CYP27C1: variants seen among roughly 807,000 people sequenced by gnomAD.
The protein encoded by CYP27C1 is cytochrome P450 27C1.
Under a neutral mutation model 40.6 loss-of-function variants are expected in CYP27C1, and 29 were observed. The ratio of observed to expected loss-of-function variants is 0.71; its 90% confidence interval spans 0.53 to 0.97. The LOEUF (loss-of-function observed/expected upper bound fraction) is 0.97, where lower values mean the gene tolerates loss of function less well. Ranked by LOEUF, CYP27C1 falls within the 50% of genes least tolerant of loss-of-function variation. The pLI is 0.00. For synonymous variants in CYP27C1, 198 were observed against 186.8 expected, an observed-to-expected ratio of 1.06 and a Z score of -0.49; for missense variants, 390 against 485.8, an observed-to-expected ratio of 0.80 and a Z score of 1.85.
rs1683514055 is a variant in CYP27C1, at chr2:127,219,849, C to T, written c.282+140G>A. ...CAGCTCCCCCAACCCACCGCGGCGC[C>T]CAGTGCCCGGGGATCCCTGCCCGCC... On this transcript the variant is annotated intron_variant, in intron 1 of 8. Transcript: ENST00000664447. The surrounding 1 kb of genome is among the most constrained non-coding windows in gnomAD (Gnocchi z 8.7). The T allele has an allele frequency of 6.6e-6, 1 of 151,106 alleles. No individual in the cohort carries two copies. Among genetic ancestry groups the T allele is most frequent in the African/African-American group, 2.4e-5 (1 of 40,992 alleles). The allele number at this position is 151,106 out of a possible 1,614,324, so 9.4% of individuals were successfully genotyped here.
chr2:127,202,393 T>C (rs1683055754), intron 3 of CYP27C1, among the ~76,000 whole-genome samples: 1 of 152,238 alleles, frequency 6.6e-6, no homozygotes, highest in Admixed American at 6.5e-5. Flanking sequence ...CCCAAAGTGC[T>C]GGGATTACAG....
At chr2:127,194,554 C>T (rs1448644220) in intron 6 of CYP27C1, among the ~76,000 whole-genome samples, 4 of 152,138 alleles carry the variant, frequency 2.6e-5, no homozygotes, top group Non-Finnish European at 2.9e-5. Context: ...CACATCCCTC[C>T]GGCTTTTCTG....
rs1682839697 is a variant in CYP27C1, at chr2:127,193,820, A to C, written c.1262T>G (p.Leu421Arg). ...CGGAATCAGATACCCGCCAATAACC[A>C]GGTCTTCCTGGGTGACCCGGCCGTT... is the stretch of plus-strand genomic sequence containing the variant. ...PGNGRVTQED[L>R]VIGGYLIPKG... Residue 421 changes from leucine to arginine, a missense_variant, in exon 7 of 9, where the codon CTG becomes CGG. Leu to Arg is a moderately radical substitution (Grantham distance 102). Coordinates refer to ENST00000664447, the MANE Select transcript of CYP27C1 (RefSeq NM_001367502.1). The C allele has an allele frequency of 6.2e-7, 1 of 1,614,148 alleles. No individual in the cohort carries two copies. The highest frequency in any genetic ancestry group is 1.7e-5 in the Admixed American group (1 of 60,018).
chr2:127,197,847 G>A (rs982423032), intron 5 of CYP27C1, among the ~76,000 whole-genome samples: 2 of 151,850 alleles, frequency 1.3e-5, no homozygotes, highest in African/African-American at 4.8e-5. Context: ...GCTTTTGAAA[G>A]GAACTTGGCT....
rs201850556 is a variant in CYP27C1, at chr2:127,203,915, T to A, written c.474-344A>T. Among the ~76,000 whole-genome samples the A allele has an allele frequency of 2.8e-3, 427 of 151,016 alleles. 4 individuals carry two copies. Among genetic ancestry groups the A allele is most frequent in the Admixed American group, 6.5e-3 (98 of 15,182 alleles). On this transcript the variant is annotated intron_variant, in intron 2 of 8. Transcript: ENST00000664447. ...AGATTGCTAATTAGCAAAAGAAAAATATATATATATATGCATACATATGTA... is the reference window on the plus strand; with the variant it reads ...AGATTGCTAATTAGCAAAAGAAAAAAATATATATATATGCATACATATGTA...
At chr2:127,217,895 G>T (rs1683464707) in intron 1 of CYP27C1, among the ~76,000 whole-genome samples, 1 of 152,214 alleles carries the variant, frequency 6.6e-6, no homozygotes, top group Non-Finnish European at 1.5e-5. Context: ...TCGAAATTGG[G>T]AGTCCTCAGA....
intron 8 of CYP27C1, among the ~76,000 whole-genome samples, chr2:127,192,139 G>A (rs1682790545): frequency 6.6e-6 from 1 of 152,194 alleles, no homozygotes; most frequent in Non-Finnish European, 1.5e-5. Flanking sequence ...ATGACTTGTA[G>A]GGGAAAAGTC....
At chr2:127,204,521 GAA>G (rs1454535514) in intron 2 of CYP27C1, among the ~76,000 whole-genome samples, 4 of 28,742 alleles carry the variant, frequency 1.4e-4, no homozygotes, top group Non-Finnish European at 2.0e-4. Context: ...AAGAAGGAAA[GAA>G]AGAAAGAAAG....
chr2:127,192,387 T>C (rs572942676), intron 8 of CYP27C1, among the ~76,000 whole-genome samples: 36 of 152,320 alleles, frequency 2.4e-4, no homozygotes, highest in Admixed American at 1.1e-3. Context: ...TTCTCCGCCA[T>C]TGACTTTACT....
In CYP27C1 at chr2:127,185,526, G is replaced by C. The variant is rs934070641; in HGVS notation, c.*1745C>G. 1.3e-5 allele frequency: 2 copies of C among 152,160 alleles called. No homozygotes were observed. The highest frequency in any genetic ancestry group is 4.8e-5 in the African/African-American group (2 of 41,442). 9.4% of individuals were successfully genotyped at this position (152,160 alleles called of 1,614,324 possible). On this transcript the variant is annotated 3_prime_UTR_variant, in exon 9 of 9. Coordinates refer to ENST00000664447, the MANE Select transcript of CYP27C1 (RefSeq NM_001367502.1). The surrounding 1 kb of genome is among the most constrained non-coding windows in gnomAD (Gnocchi z 4.9). ...TTATAAAACTTAATATACGTATACT[G>C]CTACCTCAAAGTAATCAATCCAACA...
In CYP27C1 at chr2:127,203,502, G is replaced by A. The variant is rs1224482127; in HGVS notation, c.543C>T (p.Ala181=). The change falls in exon 3 of 9, where the codon GCC becomes GCT. Residue 181 remains alanine (A), a synonymous_variant. Coordinates refer to ENST00000664447, the MANE Select transcript of CYP27C1 (RefSeq NM_001367502.1). ...CTTGGTTGACTTCTCCAGAATAAAT[G>A]GCCACATCTTTCGGTTTCAGAATTC... ...RQRILKPKDV[A]IYSGEVNQVI... 6.2e-7 allele frequency: 1 copy of A among 1,613,880 alleles called. No individual in the cohort carries two copies. Among genetic ancestry groups the A allele is most frequent in the Non-Finnish European group, 8.5e-7 (1 of 1,179,984 alleles).
intron 1 of CYP27C1, among the ~76,000 whole-genome samples, chr2:127,215,839 G>C (rs1347986496): frequency 6.6e-6 from 1 of 151,744 alleles, no homozygotes; most frequent in Non-Finnish European, 1.5e-5. Context: ...GAGGGAGAGA[G>C]AGAGGGAGGG....
chr2:127,198,184 G>GACACACACACAC lies in CYP27C1; in HGVS notation c.1047+1191_1047+1192insGTGTGTGTGTGT, dbSNP rs1205361557. On this transcript the variant is annotated intron_variant, in intron 5 of 8. Coordinates refer to ENST00000664447, the MANE Select transcript of CYP27C1 (RefSeq NM_001367502.1). The stretch of plus-strand genomic sequence containing the variant: ...GGGCTCCATTCACAGGGAATTTGTT[G>GACACACACACAC]ATACACACACACACACACACACACA... 4.2e-3 allele frequency among the ~76,000 whole-genome samples: 237 copies of GACACACACACAC among 56,214 alleles called. 1 individual carries two copies. The highest frequency in any genetic ancestry group is 0.015 in the African/African-American group (232 of 15,598). 36.9% of individuals were successfully genotyped at this position (56,214 alleles called of 152,430 possible). A position where few individuals can be genotyped will look rare whatever the true frequency, so the allele number is the denominator to read the frequency against.
chr2:127,192,865 C>T (rs1682813748), intron 8 of CYP27C1, among the ~76,000 whole-genome samples: 1 of 152,192 alleles, frequency 6.6e-6, no homozygotes, highest in African/African-American at 2.4e-5. Flanking sequence ...GGCTGGAGTG[C>T]CGTGGTGTGA....
chr2:127,210,185 C>A (rs1000947514), intron 1 of CYP27C1, among the ~76,000 whole-genome samples: 1 of 152,148 alleles, frequency 6.6e-6, no homozygotes, highest in African/African-American at 2.4e-5. Flanking sequence ...AAACTCTATA[C>A]GCCAGAAGAG....
rs1682894593 is a variant in CYP27C1 at position 127,195,947 on chromosome 2, G to T, written c.1048-446C>A. 1.3e-5 allele frequency among the ~76,000 whole-genome samples: 2 copies of T among 152,190 alleles called. No homozygotes were observed. The highest frequency in any genetic ancestry group is 4.8e-5 in the African/African-American group (2 of 41,436). On this transcript the variant is annotated intron_variant, in intron 5 of 8. Transcript: ENST00000664447. The surrounding 1 kb of genome is among the most constrained non-coding windows in gnomAD (Gnocchi z 6.2). Reference sequence around the variant, plus strand: ...AGGATGCTGGGCCCGGCCCACTCTGGCTGCCCTAATCTAGAGATTGGAGTG... The same window carrying T: ...AGGATGCTGGGCCCGGCCCACTCTGTCTGCCCTAATCTAGAGATTGGAGTG...
At chr2:127,190,739 A>G (rs1558925049) in intron 8 of CYP27C1, among the ~76,000 whole-genome samples, 1 of 148,730 alleles carries the variant, frequency 6.7e-6, no homozygotes, top group Non-Finnish European at 1.5e-5. Flanking sequence ...TGAGGTCAGA[A>G]GTTCGAGACC....
intron 5 of CYP27C1, among the ~76,000 whole-genome samples, chr2:127,198,482 T>C (rs900429960): frequency 1.3e-5 from 2 of 152,204 alleles, no homozygotes; most frequent in Admixed American, 6.5e-5. Flanking sequence ...ACATTTATTA[T>C]CATTTTGTGT....
chr2:127,196,003 C>T lies in CYP27C1; in HGVS notation c.1048-502G>A, dbSNP rs1682895671. On this transcript the variant is annotated intron_variant, in intron 5 of 8. Transcript: ENST00000664447. This position sits in a 1 kb window ranked among gnomAD's most constrained non-coding sequence, Gnocchi z 4.5. ...GAGATCACTAGTTAGCCATCGTGTC[C>T]TGCCTTCATCAAGTAAGGTCCACAC... Among the ~76,000 whole-genome samples the T allele has an allele frequency of 6.6e-6, 1 of 152,130 alleles. No individual in the cohort carries two copies. Among genetic ancestry groups the T allele is most frequent in the Non-Finnish European group, 1.5e-5 (1 of 68,034 alleles).
Sources: gnomAD v4.1 joint callset for allele counts (sites outside exome capture counted in the v4.1 genomes callset) on GRCh38, gnomAD v4.1.1 for gene constraint, Gnocchi (gnomAD v3.1) non-coding constraint, MANE v1.5 for transcripts, NCBI Gene and HGNC (gene_info 2026-07-23, HGNC 2026-07-21) for gene names.